RTL4: variants seen among roughly 807,000 people sequenced by gnomAD.
RTL4 encodes retrotransposon Gag like 4.
Under a neutral mutation model 5.3 loss-of-function variants are expected in RTL4, and 4 were observed. The observed-to-expected ratio is 0.75, with a 90% CI of 0.37 to 1.72. RTL4 has a LOEUF of 1.72. Ranked by LOEUF, RTL4 falls within the 40% of genes most tolerant of loss-of-function variation. The pLI is 0.04. For synonymous variants in RTL4, 98 were observed against 87.3 expected, an observed-to-expected ratio of 1.12 and a Z score of -0.68; for missense variants, 260 against 227.1, an observed-to-expected ratio of 1.14 and a Z score of -0.93.
the RTL4 span, among the ~76,000 whole-genome samples, chrX:112,213,010 A>G: frequency 9.0e-6 from 1 of 111,519 alleles, no homozygotes; most frequent in African/African-American, 3.3e-5. Flanking sequence ...GTGTTATGGG[A>G]GTAGTAATAT....
chrX:112,343,083 G>A, the RTL4 span, among the ~76,000 whole-genome samples: 5 of 111,683 alleles, frequency 4.5e-5, no homozygotes, highest in Non-Finnish European at 1.9e-5. Flanking sequence ...GCACTCCAGC[G>A]TGAGAAACAG....
chrX:112,262,926 C>A, the RTL4 span, among the ~76,000 whole-genome samples: 4 of 102,543 alleles, frequency 3.9e-5, no homozygotes, highest in African/African-American at 1.5e-4. Context: ...CCATCATTCT[C>A]AGCAAACTAT....
At chrX:112,335,091 A>G in the RTL4 span, among the ~76,000 whole-genome samples, 1 of 112,036 alleles carries the variant, frequency 8.9e-6, no homozygotes, top group Admixed American at 9.5e-5. Flanking sequence ...AGGATCAGAT[A>G]AAACTTCGCT....
upstream of RTL4, among the ~76,000 whole-genome samples, chrX:112,450,388 G>A (rs1157297863): frequency 8.9e-6 from 1 of 112,012 alleles, no homozygotes; most frequent in Non-Finnish European, 1.9e-5. Context: ...CCTTGTCCGA[G>A]CTCACAAGTC....
At chrX:112,160,976 G>A in the RTL4 span, among the ~76,000 whole-genome samples, 6 of 110,684 alleles carry the variant, frequency 5.4e-5, no homozygotes, top group East Asian at 2.9e-4. Flanking sequence ...AAAGCATGCC[G>A]CTCCCCCAGC....
rs139116920 is a variant in RTL4, at chrX:112,455,506, C to T, written c.778C>T (p.Arg260Ter). The T allele has an allele frequency of 3.1e-5, 37 of 1,209,366 alleles. No individual in the cohort carries two copies. In the African/African-American group the frequency reaches 4.7e-4, roughly 15 times the overall value. ...ACCCAAGAAAGGGCCTATACAGCTG[C>T]GAGAAGGCCAGCTGCCTCTCACCCC... Residue 260 changes from arginine to a stop codon, truncating the protein, a stop_gained, in exon 1 of 1, where the codon CGA (arginine) becomes TGA (stop). Transcript: ENST00000340433. LOFTEE classifies it high-confidence loss of function.
the RTL4 span, among the ~76,000 whole-genome samples, chrX:112,365,745 G>C: frequency 9.0e-6 from 1 of 111,414 alleles, no homozygotes; most frequent in Non-Finnish European, 1.9e-5. Flanking sequence ...GTAATCCCAT[G>C]CTGCCTGCCC....
At chrX:112,313,817 CA>C in the RTL4 span, among the ~76,000 whole-genome samples, 1 of 109,418 alleles carries the variant, frequency 9.1e-6, no homozygotes, top group African/African-American at 3.3e-5. Flanking sequence ...AAATGTCACT[CA>C]AATGACAAAG....
the RTL4 span, among the ~76,000 whole-genome samples, chrX:112,125,067 AT>A: frequency 0.025 from 2,408 of 95,479 alleles, 23 homozygotes; most frequent in Middle Eastern, 0.053. Flanking sequence ...CACCTGGCTA[AT>A]TTTTTTTTTT....
At chrX:112,348,257 G>A in the RTL4 span, among the ~76,000 whole-genome samples, 2 of 109,557 alleles carry the variant, frequency 1.8e-5, no homozygotes, top group Non-Finnish European at 3.8e-5. Context: ...ATTTTGTTAG[G>A]TTGACTCTCA....
At chrX:112,305,660 G>A in the RTL4 span, among the ~76,000 whole-genome samples, 3 of 111,714 alleles carry the variant, frequency 2.7e-5, no homozygotes, top group Admixed American at 1.9e-4. Flanking sequence ...CACAACACCC[G>A]GCCAACAACC....
At chrX:112,084,682 T>C in the RTL4 span, among the ~76,000 whole-genome samples, 2 of 111,166 alleles carry the variant, frequency 1.8e-5, no homozygotes, top group Admixed American at 9.5e-5. Flanking sequence ...TGGGGGCATT[T>C]CCCTTTTTTT....
the RTL4 span, among the ~76,000 whole-genome samples, chrX:112,284,253 A>C: frequency 9.2e-6 from 1 of 109,212 alleles, no homozygotes; most frequent in Admixed American, 1.0e-4. Flanking sequence ...TCTTCAAAAA[A>C]TGAAGTTTAA....
chrX:112,450,704 C>T (rs1366524424), upstream of RTL4, among the ~76,000 whole-genome samples: 2 of 111,781 alleles, frequency 1.8e-5, no homozygotes, highest in Non-Finnish European at 3.8e-5. Context: ...AAATTGAATG[C>T]TGTGCCACCT....
chrX:112,454,958 A>G (rs1368290191), exon 1 of RTL4: 11 of 1,209,341 alleles, frequency 9.1e-6, no homozygotes, highest in African/African-American at 3.5e-5. Flanking sequence ...TTCCTCACTC[A>G]GGTGACTACC....
the RTL4 span, among the ~76,000 whole-genome samples, chrX:112,276,388 G>A: frequency 8.9e-6 from 1 of 111,759 alleles, no homozygotes; most frequent in African/African-American, 3.3e-5. Flanking sequence ...AAACAACCCA[G>A]TTTACATTGT....
the RTL4 span, among the ~76,000 whole-genome samples, chrX:112,083,032 C>G: frequency 2.4e-3 from 268 of 110,134 alleles, 1 homozygote; most frequent in African/African-American, 8.6e-3. Context: ...TTTGCAGCTC[C>G]GCGGCCAGGG....
chrX:112,085,968 G>A, the RTL4 span, among the ~76,000 whole-genome samples: 5 of 111,642 alleles, frequency 4.5e-5, no homozygotes, highest in Non-Finnish European at 9.4e-5. Flanking sequence ...ACTATGAGTA[G>A]GGTATTGATT....
chrX:112,235,331 C>T, the RTL4 span, among the ~76,000 whole-genome samples: 3 of 111,660 alleles, frequency 2.7e-5, no homozygotes, highest in African/African-American at 9.8e-5. Flanking sequence ...AGCCTAGAGT[C>T]TACTTAATAA....
Sources: gnomAD v4.1 joint callset for allele counts (sites outside exome capture counted in the v4.1 genomes callset) on GRCh38, gnomAD v4.1.1 for gene constraint, MANE v1.5 for transcripts, NCBI Gene and HGNC (gene_info 2026-07-23, HGNC 2026-07-21) for gene names.